The following CABCOCO1 variants were observed in gnomAD, a reference collection of about 807,000 sequenced individuals.
CABCOCO1 encodes the protein ciliary associated calcium binding coiled-coil 1.
Under a neutral mutation model 35.7 loss-of-function variants are expected in CABCOCO1, and 28 were observed. The ratio of observed to expected loss-of-function variants is 0.78; its 90% CI spans 0.58 to 1.07. The LOEUF (loss-of-function observed/expected upper bound fraction) is 1.07. CABCOCO1 is among the 50% of genes least tolerant of loss of function. The pLI is 0.00. For missense variants in CABCOCO1, 326 were observed against 309.2 expected (o/e 1.05, Z -0.41); for synonymous variants, 95 against 100.1 (o/e 0.95, Z 0.30).
intron 5 of CABCOCO1, among the ~76,000 whole-genome samples, chr10:61,720,161 A>G (rs1036305433): frequency 6.6e-6 from 1 of 152,154 alleles, no homozygotes; most frequent in African/African-American, 2.4e-5. Context: ...CTGTTCTAAA[A>G]GAAAAAGATG....
At chr10:61,674,563 G>A (rs1839452724) in intron 2 of CABCOCO1, among the ~76,000 whole-genome samples, 1 of 151,976 alleles carries the variant, frequency 6.6e-6, no homozygotes, top group Non-Finnish European at 1.5e-5. Context: ...ATTATAAATG[G>A]GGGTTATATG....
intron 5 of CABCOCO1, among the ~76,000 whole-genome samples, chr10:61,700,594 G>A (rs192735149): frequency 6.6e-6 from 1 of 152,044 alleles, no homozygotes; most frequent in East Asian, 1.9e-4. Context: ...GGTTTGGCAA[G>A]ATATATCAAA....
At chr10:61,664,127 A>G (rs1286064250) in intron 1 of CABCOCO1, among the ~76,000 whole-genome samples, 2 of 152,136 alleles carry the variant, frequency 1.3e-5, no homozygotes, top group African/African-American at 2.4e-5. Context: ...AGGCATGCGG[A>G]CTCTCATATG....
At chr10:61,719,789 C>T (rs139669246) in intron 5 of CABCOCO1, among the ~76,000 whole-genome samples, 3,449 of 151,768 alleles carry the variant, frequency 0.023, 135 homozygotes, top group African/African-American at 0.08. Flanking sequence ...GGTGTGGTGA[C>T]AGGCACCTGT....
chr10:61,761,363 C>G (rs1482122117), intron 7 of CABCOCO1, among the ~76,000 whole-genome samples: 1 of 152,060 alleles, frequency 6.6e-6, no homozygotes, highest in Non-Finnish European at 1.5e-5. Flanking sequence ...TAATCCTCAG[C>G]TAAGTCTTCT....
chr10:61,673,280 C>G (rs770665120), intron 2 of CABCOCO1, among the ~76,000 whole-genome samples: 1 of 152,200 alleles, frequency 6.6e-6, no homozygotes, highest in Non-Finnish European at 1.5e-5. Context: ...ACATCTCACT[C>G]TTTAGGCCAT....
intron 5 of CABCOCO1, among the ~76,000 whole-genome samples, chr10:61,719,874 T>A (rs1418187887): frequency 7.5e-6 from 1 of 132,556 alleles, no homozygotes; most frequent in Non-Finnish European, 1.5e-5. Flanking sequence ...TGAGCTGAGA[T>A]CACACCACTG....
chr10:61,705,799 C>T (rs900456012), intron 5 of CABCOCO1, among the ~76,000 whole-genome samples: 3 of 152,162 alleles, frequency 2.0e-5, no homozygotes, highest in African/African-American at 7.2e-5. Flanking sequence ...AAATATTACA[C>T]ACACATAATC....
chr10:61,727,317 T>A (rs1418128310), intron 5 of CABCOCO1, among the ~76,000 whole-genome samples: 1 of 152,216 alleles, frequency 6.6e-6, no homozygotes, highest in Admixed American at 6.5e-5. Context: ...AAATTTCAAA[T>A]TTATCTAGTT....
At chr10:61,740,873 G>T (rs935120731) in intron 5 of CABCOCO1, among the ~76,000 whole-genome samples, 3 of 152,208 alleles carry the variant, frequency 2.0e-5, no homozygotes, top group African/African-American at 7.2e-5. Context: ...AGGGCCGGGT[G>T]CAGTGGCTCA....
At chr10:61,686,696 A>T (rs367781671) in intron 4 of CABCOCO1, among the ~76,000 whole-genome samples, 1 of 152,214 alleles carries the variant, frequency 6.6e-6, no homozygotes, top group East Asian at 1.9e-4. Flanking sequence ...AATTTATTAC[A>T]TCCCCTGAAA....
At position 61,673,646 on chromosome 10, in the gene CABCOCO1, AG is replaced by A. The variant is rs549821624; in HGVS notation, c.164+912del. ...ATGTCCTGGCTGGAAGAAAAATCCGAGAAGGGAAGGTTTATCAAGAACAGGT... is the reference window on the plus strand; with the variant it reads ...ATGTCCTGGCTGGAAGAAAAATCCGAAAGGGAAGGTTTATCAAGAACAGGT... On this transcript the variant is annotated intron_variant, in intron 2 of 7. Transcript: ENST00000648843. Among the ~76,000 whole-genome samples the A allele has an allele frequency of 1.2e-3, 181 of 152,332 alleles. 1 individual carries two copies. The highest frequency in any genetic ancestry group is 4.2e-3 in the African/African-American group (175 of 41,590).
chr10:61,720,832 A>G (rs1194570911), intron 5 of CABCOCO1, among the ~76,000 whole-genome samples: 1 of 151,800 alleles, frequency 6.6e-6, no homozygotes, highest in Non-Finnish European at 1.5e-5. Context: ...GCACCCGTGT[A>G]CAAACAGTAG....
intron 5 of CABCOCO1, among the ~76,000 whole-genome samples, chr10:61,706,367 A>G (rs1175012070): frequency 1.3e-5 from 2 of 152,260 alleles, no homozygotes; most frequent in African/African-American, 4.8e-5. Flanking sequence ...TGATCATTAA[A>G]TGCAAATGAG....
chr10:61,722,110 T>TG (rs1453134529), intron 5 of CABCOCO1, among the ~76,000 whole-genome samples: 3 of 152,184 alleles, frequency 2.0e-5, no homozygotes. Context: ...CTGTGGTGAA[T>TG]GGTCTCTGGT....
chr10:61,683,311 G>A (rs1300669967), intron 3 of CABCOCO1, among the ~76,000 whole-genome samples: 4 of 152,162 alleles, frequency 2.6e-5, no homozygotes, highest in East Asian at 1.9e-4. Context: ...TGTAATCCCA[G>A]CACTTTAGGA....
intron 2 of CABCOCO1, among the ~76,000 whole-genome samples, chr10:61,677,624 C>T (rs1839557377): frequency 6.6e-6 from 1 of 151,728 alleles, no homozygotes; most frequent in Non-Finnish European, 1.5e-5. Flanking sequence ...ATACATGTGC[C>T]ATGTTGGTGT....
At chr10:61,747,681 T>G (rs1375017453) in intron 5 of CABCOCO1, among the ~76,000 whole-genome samples, 1 of 152,220 alleles carries the variant, frequency 6.6e-6, no homozygotes, top group Non-Finnish European at 1.5e-5. Context: ...TTAAACAATG[T>G]TAGCTTTGCC....
intron 5 of CABCOCO1, among the ~76,000 whole-genome samples, chr10:61,701,371 T>C (rs10821910): frequency 0.54 from 82,291 of 151,846 alleles, 23,370 homozygotes; most frequent in Admixed American, 0.68. Flanking sequence ...TAGGCAGTGT[T>C]CTTTTTCCCT....
Sources: gnomAD v4.1 joint callset for allele counts (sites outside exome capture counted in the v4.1 genomes callset) on GRCh38, gnomAD v4.1.1 for gene constraint, MANE v1.5 for transcripts, NCBI Gene and HGNC (gene_info 2026-07-23, HGNC 2026-07-21) for gene names.